The following PKP2 variants were observed in gnomAD, a reference collection of about 807,000 sequenced individuals.
The protein encoded by PKP2 is plakophilin-2.
A neutral mutation model predicts 83.4 loss-of-function variants in PKP2; 73 were observed. The ratio of observed to expected loss-of-function variants is 0.88; its 90% CI spans 0.72 to 1.06. The LOEUF (loss-of-function observed/expected upper bound fraction) is 1.06. PKP2 is among the 50% of genes least tolerant of loss of function. The pLI, the probability that PKP2 is intolerant of heterozygous loss-of-function variation, is 0.00. For missense variants in PKP2, 966 were observed against 1,065.4 expected (o/e 0.91, Z 1.30); for synonymous variants, 409 against 430.4 (o/e 0.95, Z 0.62).
chr12:32,876,649 C>T (rs1269425527), intron 3 of PKP2, among the ~76,000 whole-genome samples: 1 of 152,112 alleles, frequency 6.6e-6, no homozygotes, highest in African/African-American at 2.4e-5. Context: ...CCCGCCTCAG[C>T]CTCTCGAGTA....
At chr12:32,858,321 G>A (rs1341522275) in intron 4 of PKP2, among the ~76,000 whole-genome samples, 9 of 149,004 alleles carry the variant, frequency 6.0e-5, no homozygotes, top group East Asian at 5.9e-4. Context: ...CAAACAAAAC[G>A]CCCCAAAAAA....
At chr12:32,808,578 GT>G (rs1331845266) in intron 9 of PKP2, among the ~76,000 whole-genome samples, 1 of 152,200 alleles carries the variant, frequency 6.6e-6, no homozygotes, top group Non-Finnish European at 1.5e-5. Context: ...CTGGAGAGGT[GT>G]TGCATTCACC....
chr12:32,802,596 G>A (rs1198769588), intron 9 of PKP2, 40 bp from the exon 10 acceptor site: 1 of 1,571,458 alleles, frequency 6.4e-7, no homozygotes, highest in Admixed American at 1.7e-5. Context: ...TATTGTATTT[G>A]ATTTCACGAT....
chr12:32,825,072 G>A (rs1405717351), intron 6 of PKP2, among the ~76,000 whole-genome samples: 2 of 151,670 alleles, frequency 1.3e-5, no homozygotes, highest in South Asian at 2.1e-4. Context: ...ACAAAAAATA[G>A]GGCCTTCAGG....
intron 4 of PKP2, among the ~76,000 whole-genome samples, chr12:32,851,511 C>T (rs1565590489): frequency 1.3e-5 from 2 of 152,174 alleles, no homozygotes; most frequent in South Asian, 4.1e-4. Context: ...CTCTGTCACC[C>T]AGGCTGGAAT....
At chr12:32,857,608 T>A (rs1050380047) in intron 4 of PKP2, among the ~76,000 whole-genome samples, 3 of 152,178 alleles carry the variant, frequency 2.0e-5, no homozygotes, top group Admixed American at 6.5e-5. Flanking sequence ...TATAGCACCA[T>A]GTTTAACCTA....
intron 3 of PKP2, among the ~76,000 whole-genome samples, chr12:32,873,850 C>T (rs903627891): frequency 3.3e-5 from 5 of 152,182 alleles, no homozygotes; most frequent in African/African-American, 9.7e-5. Flanking sequence ...TTTTGTGATG[C>T]TTACTGGGAA....
chr12:32,847,571 GCTTT>G (rs1369955896), intron 5 of PKP2, among the ~76,000 whole-genome samples: 1 of 152,042 alleles, frequency 6.6e-6, no homozygotes, highest in African/African-American at 2.4e-5. Flanking sequence ...CACTTCCCAA[GCTTT>G]CTAACTACCA....
At chr12:32,884,071 C>G (rs945453621) in intron 1 of PKP2, among the ~76,000 whole-genome samples, 2 of 152,142 alleles carry the variant, frequency 1.3e-5, no homozygotes, top group Admixed American at 6.6e-5. Context: ...AGAATTTGAA[C>G]AAAGAAGCCT....
chr12:32,841,328 G>GT, intron 5 of PKP2, 123 bp from the exon 6 acceptor site: 1 of 754,776 alleles, frequency 1.3e-6, no homozygotes, highest in Middle Eastern at 2.5e-4. Flanking sequence ...TGGGGGGTTG[G>GT]GGGGCCAGCC....
At position 32,791,887 on chromosome 12, in the gene PKP2, A is replaced by C. The variant is rs1956070449; in HGVS notation, c.*537T>G. 6 of 165,778 alleles carry C rather than the reference A, an allele frequency of 3.6e-5. No homozygotes were observed. 10.3% of individuals were successfully genotyped at this position (165,778 alleles called of 1,614,324 possible). A position where few individuals can be genotyped will look rare whatever the true frequency, so the allele number is the denominator to read the frequency against. On this transcript the variant is annotated 3_prime_UTR_variant, in exon 13 of 13. Transcript: ENST00000340811. ...AGAAAAACAACCCAAGGGGATAAAA[A>C]CAAGCACAAAGTAAAGAAAGAAACC... is the stretch of plus-strand genomic sequence containing the variant.
chr12:32,867,665 A>AT (rs1314011629), intron 4 of PKP2, among the ~76,000 whole-genome samples: 1 of 152,232 alleles, frequency 6.6e-6, no homozygotes, highest in Non-Finnish European at 1.5e-5. Context: ...GTAAGTTATC[A>AT]TTTATGATTT....
chr12:32,809,538 G>C (rs2137743215), intron 9 of PKP2, among the ~76,000 whole-genome samples: 1 of 152,358 alleles, frequency 6.6e-6, no homozygotes, highest in Admixed American at 6.5e-5. Context: ...GGGGCCTGCA[G>C]AACAATGCTG....
At chr12:32,879,931 T>C (rs148937275) in intron 1 of PKP2, among the ~76,000 whole-genome samples, 2,885 of 152,050 alleles carry the variant, frequency 0.019, 40 homozygotes, top group South Asian at 0.036. Flanking sequence ...TTGGTTGTTA[T>C]AGTGCTGAAA....
chr12:32,830,265 T>C (rs2137801986), intron 6 of PKP2, among the ~76,000 whole-genome samples: 1 of 152,342 alleles, frequency 6.6e-6, no homozygotes, highest in East Asian at 1.9e-4. Context: ...ATCAAACAGT[T>C]GGGCCTTGTC....
At chr12:32,836,934 T>C (rs1330300917) in intron 6 of PKP2, among the ~76,000 whole-genome samples, 4 of 152,214 alleles carry the variant, frequency 2.6e-5, no homozygotes, top group Non-Finnish European at 4.4e-5. Flanking sequence ...AGTATTCTCC[T>C]AGTGGCCTTT....
At chr12:32,809,759 GA>G (rs67912909) in intron 9 of PKP2, among the ~76,000 whole-genome samples, 106,157 of 151,940 alleles carry the variant, frequency 0.7, 38,927 homozygotes, top group East Asian at 0.86. Context: ...AGATCTGTGG[GA>G]GAAGCATGGT....
chr12:32,835,492 GAA>G (rs943390549), intron 6 of PKP2, among the ~76,000 whole-genome samples: 1 of 146,816 alleles, frequency 6.8e-6, no homozygotes, highest in African/African-American at 2.5e-5. Context: ...AGGAGGCTGT[GAA>G]AAAAAAAGAT....
intron 9 of PKP2, among the ~76,000 whole-genome samples, chr12:32,805,686 C>T (rs1259146473): frequency 2.0e-5 from 3 of 152,128 alleles, no homozygotes; most frequent in Admixed American, 2.0e-4. Flanking sequence ...TGTACCAGTG[C>T]CATGCTGTTT....
Sources: gnomAD v4.1 joint callset for allele counts (sites outside exome capture counted in the v4.1 genomes callset) on GRCh38, gnomAD v4.1.1 for gene constraint, MANE v1.5 for transcripts, NCBI Gene and HGNC (gene_info 2026-07-23, HGNC 2026-07-21) for gene names.